Variants in CNTNAP5 observed in about 807,000 individuals in gnomAD.
CNTNAP5 encodes the protein contactin-associated protein-like 5.
CNTNAP5 carries 72 observed loss-of-function variants against 150.2 expected under a neutral mutation model. The ratio of observed to expected loss-of-function variants is 0.48; its 90% CI spans 0.40 to 0.58. The LOEUF (loss-of-function observed/expected upper bound fraction) is 0.58, where lower values mean the gene tolerates loss of function less well. Ranked by LOEUF, CNTNAP5 falls within the 20% of genes least tolerant of loss-of-function variation. CNTNAP5 has a pLI of 0.00. For synonymous variants in CNTNAP5, 672 were observed against 619.8 expected, an observed-to-expected ratio of 1.08 and a Z score of -1.25; for missense variants, 1,636 against 1,626.2, an observed-to-expected ratio of 1.01 and a Z score of -0.10.
At chr2:124,477,318 A>G (rs1693664848) in intron 7 of CNTNAP5, among the ~76,000 whole-genome samples, 2 of 152,128 alleles carry the variant, frequency 1.3e-5, no homozygotes, top group African/African-American at 2.4e-5. Context: ...ATAATCTATA[A>G]GAATTTTTTT....
At chr2:124,911,332 C>A in intron 22 of CNTNAP5, 135 bp from the exon 23 acceptor site, 1 of 658,368 alleles carries the variant, frequency 1.5e-6, no homozygotes, top group Non-Finnish European at 2.8e-6. Context: ...GAGTTCCTTG[C>A]AACATATCAA....
chr2:124,631,448 A>G (rs1253432122), intron 12 of CNTNAP5, among the ~76,000 whole-genome samples: 1 of 152,204 alleles, frequency 6.6e-6, no homozygotes, highest in African/African-American at 2.4e-5. Context: ...CATCTTTGAC[A>G]AACCTCACAA....
intron 1 of CNTNAP5, among the ~76,000 whole-genome samples, chr2:124,213,862 T>G (rs928869272): frequency 1.3e-5 from 2 of 152,194 alleles, no homozygotes; most frequent in African/African-American, 4.8e-5. Flanking sequence ...ATTTCAGAGC[T>G]GTTGAGTTTG....
intron 3 of CNTNAP5, among the ~76,000 whole-genome samples, chr2:124,292,275 G>A (rs1207092524): frequency 6.6e-6 from 1 of 151,782 alleles, no homozygotes; most frequent in Non-Finnish European, 1.5e-5. Context: ...GATTTCAAAT[G>A]CTCTTCAATT....
At chr2:124,532,925 C>G (rs1165028017) in intron 10 of CNTNAP5, among the ~76,000 whole-genome samples, 1 of 152,094 alleles carries the variant, frequency 6.6e-6, no homozygotes, top group Admixed American at 6.5e-5. Context: ...CTCTAGTTTC[C>G]ATGGGGAGAG....
At chr2:124,219,061 A>T (rs2104736826) in intron 1 of CNTNAP5, among the ~76,000 whole-genome samples, 1 of 152,272 alleles carries the variant, frequency 6.6e-6, no homozygotes, top group East Asian at 1.9e-4. Flanking sequence ...GATCATTTTA[A>T]CAATTTATAT....
chr2:124,471,125 A>T (rs1259879703), intron 6 of CNTNAP5, among the ~76,000 whole-genome samples: 1 of 152,118 alleles, frequency 6.6e-6, no homozygotes, highest in African/African-American at 2.4e-5. Flanking sequence ...GTGGTAGTTT[A>T]ACAGGAATAA....
At chr2:124,261,838 C>T (rs992288027) in intron 3 of CNTNAP5, among the ~76,000 whole-genome samples, 13 of 152,120 alleles carry the variant, frequency 8.5e-5, no homozygotes, top group Admixed American at 7.2e-4. Flanking sequence ...GCTGGTTCAA[C>T]GCTAGCAGGA....
chr2:124,769,231 T>C (rs1681136607), intron 16 of CNTNAP5, among the ~76,000 whole-genome samples: 1 of 152,156 alleles, frequency 6.6e-6, no homozygotes, highest in African/African-American at 2.4e-5. Context: ...TCTTAGCAGC[T>C]TCTTCTCATC....
chr2:124,856,075 G>GGTGTGTGT (rs56676705), intron 19 of CNTNAP5, among the ~76,000 whole-genome samples: 127 of 144,318 alleles, frequency 8.8e-4, no homozygotes, highest in Admixed American at 1.7e-3. Flanking sequence ...AATAGTCCAT[G>GGTGTGTGT]GTGTGTGTGT....
intron 13 of CNTNAP5, among the ~76,000 whole-genome samples, chr2:124,670,174 T>TCCC: frequency 7.5e-6 from 1 of 133,374 alleles, no homozygotes. Context: ...CCTTCCTTCC[T>TCCC]TCCTCCCTCT....
intron 1 of CNTNAP5, among the ~76,000 whole-genome samples, chr2:124,174,518 A>T (rs1315768257): frequency 3.3e-5 from 5 of 152,212 alleles, no homozygotes; most frequent in Non-Finnish European, 7.3e-5. Context: ...GTAACTATAG[A>T]TGTGGTGGAA....
intron 10 of CNTNAP5, among the ~76,000 whole-genome samples, chr2:124,561,759 GAAAC>G (rs994113925): frequency 1.1e-4 from 16 of 152,156 alleles, no homozygotes; most frequent in African/African-American, 3.9e-4. Context: ...TCTGGGATTT[GAAAC>G]AATCATTGCT....
chr2:124,795,287 A>G (rs1234015824), intron 18 of CNTNAP5, among the ~76,000 whole-genome samples: 1 of 152,068 alleles, frequency 6.6e-6, no homozygotes, highest in African/African-American at 2.4e-5. Context: ...TACAGGCCCC[A>G]TGGAGGCTCA....
At chr2:124,655,923 AAGAGAGAGAG>A (rs138857798) in intron 13 of CNTNAP5, among the ~76,000 whole-genome samples, 1 of 106,000 alleles carries the variant, frequency 9.4e-6, no homozygotes, top group African/African-American at 3.7e-5. Flanking sequence ...GAAAGACAGA[AAGAGAGAGAG>A]AGAGAGAGAG....
At chr2:124,404,382 T>G (rs1489343685) in intron 3 of CNTNAP5, among the ~76,000 whole-genome samples, 1 of 150,286 alleles carries the variant, frequency 6.7e-6, no homozygotes, top group Non-Finnish European at 1.5e-5. Flanking sequence ...TACAGTGAAT[T>G]CACAGAATCC....
intron 21 of CNTNAP5, 35 bp downstream of exon 21, chr2:124,869,797 T>C: frequency 7.8e-7 from 1 of 1,284,270 alleles, no homozygotes; most frequent in Non-Finnish European, 1.1e-6. Context: ...TCCAGTGGGC[T>C]TTATTAAAAT....
intron 1 of CNTNAP5, among the ~76,000 whole-genome samples, chr2:124,090,374 A>G (rs1171751514): frequency 2.6e-5 from 4 of 152,204 alleles, no homozygotes; most frequent in African/African-American, 9.6e-5. Flanking sequence ...CCTGAGGGCA[A>G]ATATTTTCAT....
At position 124,519,865 on chromosome 2, in the gene CNTNAP5, C is replaced by G. The variant is rs553966039; in HGVS notation, c.1328-4438C>G. Among the ~76,000 whole-genome samples the G allele has an allele frequency of 4.0e-4, 61 of 152,316 alleles. No individual in the cohort carries two copies. The Middle Eastern group carries it at 0.014, about 34-fold the overall frequency. On this transcript the variant is annotated intron_variant, in intron 8 of 23. Coordinates refer to ENST00000682447, the MANE Select transcript of CNTNAP5 (RefSeq NM_001367498.1). ...CGCAGGGCAGCCTATTTAACTCTCT[C>G]TCTGTAAGGAACCCTTTATACTGAT...
Sources: allele counts gnomAD v4.1 joint callset (sites outside exome capture counted in the v4.1 genomes callset), GRCh38; gene constraint gnomAD v4.1.1; transcripts MANE v1.5; gene names NCBI Gene and HGNC (gene_info 2026-07-23, HGNC 2026-07-21).